The following SPTBN2 variants were observed in gnomAD, a reference collection of about 807,000 sequenced individuals.
SPTBN2 encodes spectrin beta chain, non-erythrocytic 2.
A neutral mutation model predicts 284.2 loss-of-function variants in SPTBN2; 107 were observed. The observed-to-expected ratio is 0.38, with a 90% CI of 0.32 to 0.44. The LOEUF is 0.44. Ranked by LOEUF, SPTBN2 falls within the 20% of genes least tolerant of loss-of-function variation. The pLI, the probability that SPTBN2 is intolerant of heterozygous loss-of-function variation, is 1.00. For synonymous variants in SPTBN2, 1,289 were observed against 1,354.8 expected (o/e 0.95, Z 1.07); for missense variants, 2,569 against 3,287.1 (o/e 0.78, Z 5.34).
At chr11:66,716,408 A>C (rs989094438) in intron 3 of SPTBN2, among the ~76,000 whole-genome samples, 1 of 151,442 alleles carries the variant, frequency 6.6e-6, no homozygotes, top group Non-Finnish European at 1.5e-5. Context: ...TGAACCTGGG[A>C]GGGGGAGCTT....
At position 66,707,572 on chromosome 11, in the gene SPTBN2, G is replaced by T. The variant is rs1219624197; in HGVS notation, c.1597C>A (p.Leu533Met). ...AGCAGGTCCTGGAACACCTTCTGCAGCTCCAGGTTGAGGAGGAGCCGCTCC... is the reference window on the plus strand; with the variant it reads ...AGCAGGTCCTGGAACACCTTCTGCATCTCCAGGTTGAGGAGGAGCCGCTCC... ...RRERLLLNLE[L>M]QKVFQDLLYL... The change falls in exon 13 of 38, where the codon CTG becomes ATG. Residue 533 changes from leucine to methionine, a missense_variant. Leu to Met is a conservative substitution (Grantham distance 15). Transcript: ENST00000533211. This position sits in a 1 kb window ranked among gnomAD's most constrained non-coding sequence, Gnocchi z 4.9. 2 of 1,611,882 alleles carry T rather than the reference G, an allele frequency of 1.2e-6. No individual in the cohort carries two copies. The highest frequency in any genetic ancestry group is 1.7e-6 in the Non-Finnish European group (2 of 1,179,808).
intron 1 of SPTBN2, among the ~76,000 whole-genome samples, chr11:66,726,324 G>A (rs1942621375): frequency 6.6e-6 from 1 of 152,210 alleles, no homozygotes; most frequent in Admixed American, 6.5e-5. Flanking sequence ...ACAACAACCT[G>A]GAGGACTGTT....
chr11:66,690,105 G>A lies in SPTBN2; in HGVS notation c.5744C>T (p.Ala1915Val), dbSNP rs146642873. Reference protein sequence around the residue: ...DTTDKFRFFKAVRELMLWMDE... With the variant: ...DTTDKFRFFKVVRELMLWMDE... Reference sequence around the variant, plus strand: ...CATCCAGAGCATCAGTTCCCGGACAGCCTTGAAGAAGCGGAACTTGTCTGT... The same window carrying A: ...CATCCAGAGCATCAGTTCCCGGACAACCTTGAAGAAGCGGAACTTGTCTGT... Residue 1915 changes from alanine (A) to valine (V), a missense_variant, in exon 28 of 38, where the codon GCT becomes GTT. Ala to Val is a moderately conservative substitution (Grantham distance 64). Transcript: ENST00000533211. 1.5e-5 allele frequency: 25 copies of A among 1,614,142 alleles called. No individual in the cohort carries two copies. The African/African-American group carries it at 2.9e-4, about 19-fold the overall frequency.
rs746746932 is a variant in SPTBN2 at position 66,714,073 on chromosome 11, C to T, written c.656+18G>A. 1.2e-6 allele frequency: 2 copies of T among 1,614,026 alleles called. No homozygotes were observed. Among genetic ancestry groups the T allele is most frequent in the Non-Finnish European group, 1.7e-6 (2 of 1,179,858 alleles). On this transcript the variant is annotated intron_variant, in intron 7 of 37. Coordinates refer to ENST00000533211, the MANE Select transcript of SPTBN2 (RefSeq NM_006946.4). Reference sequence around the variant, plus strand: ...CGACCCAGCAGCTCTGCTGCGTTTGCTAACCCCATCTTCTCACCGGTGTTT... The same window carrying T: ...CGACCCAGCAGCTCTGCTGCGTTTGTTAACCCCATCTTCTCACCGGTGTTT...
At chr11:66,738,517 T>A (rs574918241) in intron 1 of SPTBN2, among the ~76,000 whole-genome samples, 2 of 152,314 alleles carry the variant, frequency 1.3e-5, no homozygotes, top group East Asian at 3.9e-4. Context: ...TTATTATTTT[T>A]AAATTATTAT....
chr11:66,688,992 G>GT, intron 30 of SPTBN2, 104 bp downstream of exon 30: 1 of 1,458,264 alleles, frequency 6.9e-7, no homozygotes, highest in Non-Finnish European at 9.4e-7. Flanking sequence ...ATTGGGCATC[G>GT]TGAGTTTCAC....
chr11:66,740,809 G>A (rs1045863631), intron 1 of SPTBN2, among the ~76,000 whole-genome samples: 3 of 152,152 alleles, frequency 2.0e-5, no homozygotes, highest in African/African-American at 7.2e-5. Context: ...CGGACCTCAA[G>A]GATATTTTCT....
rs147290506 is a variant in SPTBN2 at position 66,705,833 on chromosome 11, C to T, written c.1658G>A (p.Arg553Gln). The stretch of plus-strand genomic sequence containing the variant: ...CCTGCCCAGGTCCTGAGACTGCAGC[C>T]GGCCCTGCCAGGCACACATGAAGTG... ...LMDWMEEMKG[R>Q]LQSQDLGRHL... Residue 553 changes from arginine (R) to glutamine (Q), a missense_variant, in exon 14 of 38, where the codon CGG becomes CAG. This residue lies in a region of SPTBN2 where 1,012 missense variants were observed against 1,248.9 expected (regional missense o/e 0.81). Transcript: ENST00000533211. 9.9e-6 allele frequency: 16 copies of T among 1,611,936 alleles called. No individual in the cohort carries two copies. The highest frequency in any genetic ancestry group is 8.4e-5 in the Admixed American group (5 of 59,864).
intron 1 of SPTBN2, among the ~76,000 whole-genome samples, chr11:66,741,064 G>A (rs1942892426): frequency 1.3e-5 from 2 of 152,322 alleles, no homozygotes; most frequent in East Asian, 1.9e-4. Flanking sequence ...GGCAGGGAGT[G>A]TGTCTCAGAC....
Position 66,708,295 on chromosome 11 carries a change from C to G in SPTBN2, c.1196G>C (p.Trp399Ser). 1.3e-6 allele frequency: 2 copies of G among 1,591,966 alleles called. No individual in the cohort carries two copies. The change falls in exon 12 of 38, where the codon TGG becomes TCG. Residue 399 changes from tryptophan to serine, a missense_variant. Around this residue, in one of 6 missense-constraint regions of SPTBN2, gnomAD observed 304 missense variants for 522.1 expected, o/e 0.58. Coordinates refer to ENST00000533211, the MANE Select transcript of SPTBN2 (RefSeq NM_006946.4). This position sits in a 1 kb window ranked among gnomAD's most constrained non-coding sequence, Gnocchi z 4.4. ...GTGCTCCGCCTTCTCCAGCCGCTCCCAAGCCTATGGGGTGGGGACAGGGTT... is the reference window on the plus strand; with the variant it reads ...GTGCTCCGCCTTCTCCAGCCGCTCCGAAGCCTATGGGGTGGGGACAGGGTT... ...GRLISDINKA[W>S]ERLEKAEHER...
Position 66,690,068 on chromosome 11 carries a change from G to A in SPTBN2, c.5781C>T (p.Asn1927=). Residue 1927 remains asparagine (N), a synonymous_variant, in exon 28 of 38, where the codon AAC becomes AAT. Coordinates refer to ENST00000533211, the MANE Select transcript of SPTBN2 (RefSeq NM_006946.4). ...GACGCTCCTGGGCATCCATCTGCAG[G>A]TTGACCTCATCCATCCAGAGCATCA... The part of the protein sequence containing the change: ...RELMLWMDEV[N]LQMDAQERPR... 6.2e-7 allele frequency: 1 copy of A among 1,614,248 alleles called. No individual in the cohort carries two copies. The highest frequency in any genetic ancestry group is 8.5e-7 in the Non-Finnish European group (1 of 1,180,048).
intron 16 of SPTBN2, 76 bp downstream of exon 16, chr11:66,701,508 C>T: frequency 6.2e-7 from 1 of 1,611,914 alleles, no homozygotes; most frequent in African/African-American, 1.3e-5. Context: ...CCAGGCCCTA[C>T]AAAACCTGCC....
chr11:66,691,285 T>C lies in SPTBN2; in HGVS notation c.5564A>G (p.Gln1855Arg). ...CACCTCCTCATGCTTGGGTCAGACC[T>C]GGGGGCTGAGGGCCTGAATGTCATG... ...YEHDIQALSP[Q>R]VQQVQDDGHR... is the part of the protein sequence containing the mutation. The change falls in exon 27 of 38, where the codon CAG becomes CGG. Residue 1855 changes from glutamine (Q) to arginine (R), a missense_variant and splice_region_variant. Physicochemically the swap from Gln to Arg is conservative, Grantham distance 43 (BLOSUM62 1). Transcript: ENST00000533211. This position sits in a 1 kb window ranked among gnomAD's most constrained non-coding sequence, Gnocchi z 8.0. The C allele has an allele frequency of 6.5e-7, 1 of 1,530,362 alleles. No homozygotes were observed. The highest frequency in any genetic ancestry group is 8.8e-7 in the Non-Finnish European group (1 of 1,135,912). The allele number at this position is 1,530,362 out of a possible 1,614,324, so 94.8% of individuals were successfully genotyped here. A position where few individuals can be genotyped will look rare whatever the true frequency, so the allele number is the denominator to read the frequency against.
Position 66,715,717 on chromosome 11 carries a change from G to A in SPTBN2, c.309+113C>T. ...AATGAACCCATCCTCTGAGCAGAGGGAGCCACTGCTTCCCGCCCTGTGCCG... is the reference window on the plus strand; with the variant it reads ...AATGAACCCATCCTCTGAGCAGAGGAAGCCACTGCTTCCCGCCCTGTGCCG... On this transcript the variant is annotated intron_variant, in intron 4 of 37. Transcript: ENST00000533211. The surrounding 1 kb of genome is among the most constrained non-coding windows in gnomAD (Gnocchi z 5.3). 7.1e-7 allele frequency: 1 copy of A among 1,415,860 alleles called. No homozygotes were observed. Among genetic ancestry groups the A allele is most frequent in the Non-Finnish European group, 9.7e-7 (1 of 1,030,150 alleles). 87.7% of individuals were successfully genotyped at this position (1,415,860 alleles called of 1,614,324 possible). A position where few individuals can be genotyped will look rare whatever the true frequency, so the allele number is the denominator to read the frequency against.
intron 8 of SPTBN2, 150 bp from the exon 9 acceptor site, chr11:66,711,179 A>T: frequency 1.4e-6 from 1 of 713,614 alleles, no homozygotes; most frequent in Non-Finnish European, 2.5e-6. Flanking sequence ...CATTCAAATG[A>T]AAAGGGCACC....
chr11:66,691,059 C>T lies in SPTBN2; in HGVS notation c.5565+225G>A, dbSNP rs1940508804. Among the ~76,000 whole-genome samples the T allele has an allele frequency of 6.6e-6, 1 of 152,166 alleles. No homozygotes were observed. The highest frequency in any genetic ancestry group is 2.4e-5 in the African/African-American group (1 of 41,420). On this transcript the variant is annotated intron_variant, in intron 27 of 37. Transcript: ENST00000533211. This position sits in a 1 kb window ranked among gnomAD's most constrained non-coding sequence, Gnocchi z 8.0. ...CTCGAACTCCCAATCTCAGATGATCCGCCCTCCTCGGCCTCCCAAAGTGCT... is the reference window on the plus strand; with the variant it reads ...CTCGAACTCCCAATCTCAGATGATCTGCCCTCCTCGGCCTCCCAAAGTGCT...
Position 66,691,322 on chromosome 11 carries a change from A to G in SPTBN2, c.5527T>C (p.Cys1843Arg), listed in dbSNP as rs143651157. ...NAAEALQRRH[C>R]AYEHDIQALS... ...GCCTGAATGTCATGCTCGTAGGCAC[A>G]GTGTCGGCGCTGCAGGGCCTCGGCA... The change falls in exon 27 of 38, where the codon TGT (cysteine) becomes CGT (arginine). Residue 1843 changes from cysteine (C) to arginine (R), a missense_variant. By Grantham distance (180) the Cys-to-Arg change is radical. Around this residue, in one of 6 missense-constraint regions of SPTBN2, gnomAD observed 1,130 missense variants for 1,317.3 expected, o/e 0.86. Transcript: ENST00000533211. The surrounding 1 kb of genome is among the most constrained non-coding windows in gnomAD (Gnocchi z 8.0). 6.5e-7 allele frequency: 1 copy of G among 1,549,094 alleles called. No homozygotes were observed. Among genetic ancestry groups the G allele is most frequent in the Non-Finnish European group, 8.7e-7 (1 of 1,143,788 alleles).
In SPTBN2 at chr11:66,714,169, T is replaced by A; in HGVS notation, c.578A>T (p.Tyr193Phe). The change falls in exon 7 of 38, where the codon TAT becomes TTT. Residue 193 changes from tyrosine (Y) to phenylalanine (F), a missense_variant and splice_region_variant. Physicochemically the swap from Tyr to Phe is conservative, Grantham distance 22. Transcript: ENST00000533211. ...GAAGTTGTGTACATTGACGTTGGGA[T>A]AACTATAAACAGAGATTCAGAAAAT... ...LLWCQMKTAG[Y>F]PNVNVHNFTT... The A allele has an allele frequency of 5.6e-6, 9 of 1,614,162 alleles. No homozygotes were observed. The highest frequency in any genetic ancestry group is 7.6e-6 in the Non-Finnish European group (9 of 1,179,996).
At chr11:66,702,973 T>G (rs1256361742) in intron 15 of SPTBN2, among the ~76,000 whole-genome samples, 1 of 151,234 alleles carries the variant, frequency 6.6e-6, no homozygotes, top group Non-Finnish European at 1.5e-5. Context: ...AAAAAAAACT[T>G]TATTTACAGA....
Sources: gnomAD v4.1 joint callset for allele counts (sites outside exome capture counted in the v4.1 genomes callset) on GRCh38, gnomAD v4.1.1 for gene constraint, gnomAD v4.1.1 regional missense constraint, Gnocchi (gnomAD v3.1) non-coding constraint, MANE v1.5 for transcripts, NCBI Gene and HGNC (gene_info 2026-07-23, HGNC 2026-07-21) for gene names.